The following MRPL34 variants were observed in gnomAD, a reference collection of about 807,000 sequenced individuals.
MRPL34 encodes the protein large ribosomal subunit protein bL34m.
A neutral mutation model predicts 6.7 loss-of-function variants in MRPL34; 8 were observed. That is an observed-to-expected ratio of 1.20 (90% CI 0.70 to 2.16). The LOEUF is 2.16. Ranked by LOEUF, MRPL34 falls within the 30% of genes most tolerant of loss-of-function variation. The probability of loss-of-function intolerance (pLI) is 0.00; values close to 1 mark genes in which losing one functional copy is unlikely to be tolerated. For synonymous variants in MRPL34, 59 were observed against 55.1 expected (o/e 1.07, Z -0.31); for missense variants, 146 against 125.5 (o/e 1.16, Z -0.78).
At chr19:17,300,643 A>G (rs1010799567), upstream of MRPL34, among the ~76,000 whole-genome samples, 1 of 152,048 alleles carries the variant, frequency 6.6e-6, no homozygotes, top group Non-Finnish European at 1.5e-5. Context: ...ACGTCTGGCT[A>G]ATTTTTGTAT....
At chr19:17,294,284 C>T (rs1473832837) in intron 1 of MRPL34, 1 of 1,599,888 alleles carries the variant, frequency 6.3e-7, no homozygotes, top group Non-Finnish European at 8.5e-7. Flanking sequence ...GTGCCCGCCT[C>T]TACCTCGGCC....
rs1214583008 is a variant in MRPL34 at position 17,306,377 on chromosome 19, T to G, written c.277T>G (p.Ter93GlyextTer60). ...CAAGGGCCGCAAGTCGCTGAGCCAT[T>G]GAGGATCGCGACGCAGTCGGCGGGA... ...MLKGRKSLSH[*>G] The change falls in exon 2 of 2, where the codon TGA becomes GGA. Residue 93 changes from the stop codon to glycine, a stop_lost. Coordinates refer to ENST00000252602, the MANE Select transcript of MRPL34 (RefSeq NM_023937.4). 6.3e-7 allele frequency: 1 copy of G among 1,585,538 alleles called. No homozygotes were observed. Among genetic ancestry groups the G allele is most frequent in the East Asian group, 2.3e-5 (1 of 43,926 alleles).
intron 1 of MRPL34, 63 bp downstream of exon 1, chr19:17,306,020 C>G: frequency 6.3e-7 from 1 of 1,590,228 alleles, no homozygotes; most frequent in Non-Finnish European, 8.6e-7. Context: ...AGGCTGGCGC[C>G]ACTCTTCACT....
upstream of MRPL34, chr19:17,301,159 C>A (rs754863962): frequency 2.5e-6 from 4 of 1,610,464 alleles, no homozygotes; most frequent in East Asian, 6.7e-5. Context: ...CCTCTTGGGG[C>A]GCCTGGCTCG....
chr19:17,295,090 A>ATTTTTTTTTTTTTTTTTT (rs779607230), intron 1 of MRPL34, among the ~76,000 whole-genome samples: 1 of 80,412 alleles, frequency 1.2e-5, no homozygotes, highest in African/African-American at 4.9e-5. Context: ...CACCCAGGTA[A>ATTTTTTTTTTTTTTTTTT]TTTTTTTTTT....
upstream of MRPL34, chr19:17,301,561 T>C (rs367827324): frequency 4.4e-6 from 7 of 1,599,810 alleles, no homozygotes; most frequent in Admixed American, 1.0e-4. Flanking sequence ...CCCCACGGCG[T>C]TGGGGGGCGT....
rs141047671 is a variant in MRPL34, at chr19:17,294,159, C to A, written c.214+1305C>A. 1.2e-3 allele frequency: 1,427 copies of A among 1,181,114 alleles called. 12 individuals carry two copies. In the African/African-American group the frequency reaches 0.018, roughly 15 times the overall value. The allele number at this position is 1,181,114 out of a possible 1,614,324, so 73.2% of individuals were successfully genotyped here. ...ACAGCAACTAGAGGCCACGCCCACC[C>A]GGCAGCCACGCCCCCTCGGGAAGAA... On this transcript the variant is annotated intron_variant, in intron 1 of 2. Coordinates refer to the MRPL34 transcript ENST00000595444.
upstream of MRPL34, chr19:17,305,852 C>T (rs372416575): frequency 1.1e-5 from 18 of 1,603,802 alleles, no homozygotes; most frequent in Non-Finnish European, 6.8e-6. Context: ...CTCTGGGCTC[C>T]GGAATCGCCC....
At chr19:17,294,811 G>T (rs767996580) in intron 1 of MRPL34, 2 of 1,614,182 alleles carry the variant, frequency 1.2e-6, no homozygotes. Flanking sequence ...ACTAGGTCTG[G>T]GTACTCATGT....
chr19:17,301,404 G>T, upstream of MRPL34: 1 of 1,612,032 alleles, frequency 6.2e-7, no homozygotes, highest in Non-Finnish European at 8.5e-7. Flanking sequence ...AGCCGGAGAG[G>T]TCCCCCTGGG....
At chr19:17,300,622 C>T (rs948851650), upstream of MRPL34, among the ~76,000 whole-genome samples, 9 of 152,188 alleles carry the variant, frequency 5.9e-5, no homozygotes, top group African/African-American at 1.9e-4. Flanking sequence ...GGACTACAGG[C>T]GCGTGCCACC....
At chr19:17,302,752 G>C (rs1009863593), upstream of MRPL34, 2 of 152,216 alleles carry the variant, frequency 1.3e-5, no homozygotes, top group African/African-American at 4.8e-5. Flanking sequence ...CTGGCTGGGG[G>C]CCTCCAAGCC....
In MRPL34 at chr19:17,305,953, G is replaced by A. The variant is rs536733892; in HGVS notation, c.61G>A (p.Gly21Ser). ...PTSRSAALLG[G>S]RWLQPRAWLG... ...GAGTAGGTCGGCAGCGTTGCTGGGT[G>A]GCAGGTAAGTCCTCAGGGGGACCCT... Residue 21 changes from glycine (G) to serine (S), a missense_variant, in exon 1 of 2, where the codon GGC (glycine) becomes AGC (serine). Gly to Ser is a moderately conservative substitution (Grantham distance 56, BLOSUM62 0). Transcript: ENST00000252602. 8.1e-6 allele frequency: 13 copies of A among 1,614,138 alleles called. No individual in the cohort carries two copies. The East Asian group carries it at 1.8e-4, about 22-fold the overall frequency.
chr19:17,304,634 C>T (rs1025866464), upstream of MRPL34, among the ~76,000 whole-genome samples: 4 of 152,160 alleles, frequency 2.6e-5, no homozygotes, highest in African/African-American at 9.7e-5. Context: ...ACAGTTTATT[C>T]ATTTAGCAAA....
intron 1 of MRPL34, chr19:17,297,796 A>T: frequency 7.8e-6 from 1 of 128,062 alleles, no homozygotes; most frequent in African/African-American, 3.0e-5. Context: ...GATCTTGCTT[A>T]TGTTGCCCAG....
At chr19:17,294,169 G>GC in intron 1 of MRPL34, 1 of 1,275,202 alleles carries the variant, frequency 7.8e-7, no homozygotes, top group Non-Finnish European at 1.1e-6. Context: ...CGGCAGCCAC[G>GC]CCCCCTCGGG....
At chr19:17,297,178 G>A (rs760522427) in intron 1 of MRPL34, among the ~76,000 whole-genome samples, 5 of 152,182 alleles carry the variant, frequency 3.3e-5, no homozygotes, top group Non-Finnish European at 7.3e-5. Context: ...GTATGCCTTT[G>A]GGCAGGTTGC....
At chr19:17,304,922 GGTGGTTGCTA>G (rs2074138623), upstream of MRPL34, among the ~76,000 whole-genome samples, 1 of 152,116 alleles carries the variant, frequency 6.6e-6, no homozygotes, top group East Asian at 1.9e-4. Flanking sequence ...TGAGACTATA[GGTGGTTGCTA>G]CCATGTCCCC....
At position 17,305,941 on chromosome 19, in the gene MRPL34, G is replaced by A; in HGVS notation, c.49G>A (p.Ala17Thr). ...GTTGGGCCCCACGAGTAGGTCGGCA[G>A]CGTTGCTGGGTGGCAGGTAAGTCCT... ...SLLGPTSRSA[A>T]LLGGRWLQPR... Residue 17 changes from alanine to threonine, a missense_variant, in exon 1 of 2, where the codon GCG becomes ACG. Coordinates refer to ENST00000252602, the MANE Select transcript of MRPL34 (RefSeq NM_023937.4). 1 of 1,614,172 alleles carries A rather than the reference G, an allele frequency of 6.2e-7. No individual in the cohort carries two copies. Among genetic ancestry groups the A allele is most frequent in the Non-Finnish European group, 8.5e-7 (1 of 1,180,014 alleles).
Sources: allele counts gnomAD v4.1 joint callset (sites outside exome capture counted in the v4.1 genomes callset), GRCh38; gene constraint gnomAD v4.1.1; transcripts MANE v1.5; gene names NCBI Gene and HGNC (gene_info 2026-07-23, HGNC 2026-07-21).